ENOX1: variants seen among roughly 807,000 people sequenced by gnomAD.
ENOX1 encodes candidate growth-related and time keeping constitutive hydroquinone (NADH) oxidase.
ENOX1 carries 42 observed loss-of-function variants against 82.5 expected under a neutral mutation model. The observed-to-expected ratio is 0.51, with a 90% CI of 0.40 to 0.66. The LOEUF (loss-of-function observed/expected upper bound fraction) is 0.66. Among genes scored for constraint, ENOX1 ranks in the 30% least tolerant of loss-of-function variants. ENOX1 has a pLI of 0.00. For synonymous variants in ENOX1, 271 were observed against 282.2 expected (o/e 0.96, Z 0.40); for missense variants, 608 against 811.6 (o/e 0.75, Z 3.05).
intron 12 of ENOX1, among the ~76,000 whole-genome samples, chr13:43,273,758 A>G (rs1042107021): frequency 2.0e-5 from 3 of 152,208 alleles, no homozygotes; most frequent in South Asian, 4.1e-4. Context: ...TCTTGCTCCA[A>G]AAAAATATTC....
At chr13:43,338,676 GTTTTTTTTTTTTTTT>G (rs71099830) in intron 9 of ENOX1, among the ~76,000 whole-genome samples, 3 of 81,262 alleles carry the variant, frequency 3.7e-5, no homozygotes, top group Non-Finnish European at 6.9e-5. Context: ...TTCAGGTTGG[GTTTTTTTTTTTTTTT>G]TTTTTTTTTT....
chr13:43,734,517 T>C (rs1009786180), intron 1 of ENOX1, among the ~76,000 whole-genome samples: 3 of 152,178 alleles, frequency 2.0e-5, no homozygotes, highest in African/African-American at 7.2e-5. Flanking sequence ...GCTGAGGTCA[T>C]CCTGCCTTCC....
At chr13:43,563,728 G>A (rs2079790718) in intron 2 of ENOX1, among the ~76,000 whole-genome samples, 1 of 152,164 alleles carries the variant, frequency 6.6e-6, no homozygotes, top group East Asian at 1.9e-4. Flanking sequence ...GCCACTGTAT[G>A]CCAATACATT....
chr13:43,600,064 A>G (rs1435581457), intron 2 of ENOX1, among the ~76,000 whole-genome samples: 1 of 152,102 alleles, frequency 6.6e-6, no homozygotes, highest in Non-Finnish European at 1.5e-5. Context: ...ACTCAGAGAC[A>G]TGCTGGCTTC....
intron 9 of ENOX1, among the ~76,000 whole-genome samples, chr13:43,329,834 A>T (rs1211170071): frequency 6.6e-6 from 1 of 152,158 alleles, no homozygotes. Flanking sequence ...TACCTCTCTC[A>T]TTGCTGCACA....
chr13:43,365,456 G>GAA (rs2050787580), intron 5 of ENOX1, among the ~76,000 whole-genome samples: 1 of 152,212 alleles, frequency 6.6e-6, no homozygotes, highest in South Asian at 2.1e-4. Flanking sequence ...CAAAGTGGCT[G>GAA]AACACAGAGA....
chr13:43,323,028 C>T (rs556504301), intron 10 of ENOX1, among the ~76,000 whole-genome samples: 1 of 152,280 alleles, frequency 6.6e-6, no homozygotes, highest in South Asian at 2.1e-4. Context: ...AATGAATGTA[C>T]AGTACTTAGC....
At chr13:43,455,405 T>C (rs959902131) in intron 3 of ENOX1, among the ~76,000 whole-genome samples, 33 of 152,208 alleles carry the variant, frequency 2.2e-4, no homozygotes, top group Non-Finnish European at 4.3e-4. Flanking sequence ...AGAACCCTAA[T>C]GAGCTAATGA....
At chr13:43,398,111 T>C (rs1208388777) in intron 5 of ENOX1, among the ~76,000 whole-genome samples, 1 of 152,236 alleles carries the variant, frequency 6.6e-6, no homozygotes, top group Admixed American at 6.5e-5. Flanking sequence ...CCTAATATCA[T>C]CACCTTGGGG....
chr13:43,670,085 G>A (rs58521382), intron 1 of ENOX1, among the ~76,000 whole-genome samples: 7,152 of 152,160 alleles, frequency 0.047, 535 homozygotes, highest in African/African-American at 0.16. Flanking sequence ...GTAAGAGCCA[G>A]ATAAATGACA....
intron 11 of ENOX1, among the ~76,000 whole-genome samples, chr13:43,308,833 C>T (rs1158240719): frequency 2.6e-5 from 4 of 152,206 alleles, no homozygotes; most frequent in African/African-American, 9.6e-5. Flanking sequence ...GCCACAGTGC[C>T]TGGTATTTGC....
At chr13:43,721,568 C>T (rs1225092773) in intron 1 of ENOX1, among the ~76,000 whole-genome samples, 12 of 151,294 alleles carry the variant, frequency 7.9e-5, no homozygotes, top group African/African-American at 2.9e-4. Flanking sequence ...TTAGTAGAGA[C>T]GGGGTTTCAC....
chr13:43,714,497 T>G (rs1330264240), intron 1 of ENOX1, among the ~76,000 whole-genome samples: 2 of 152,198 alleles, frequency 1.3e-5, no homozygotes, highest in African/African-American at 4.8e-5. Context: ...TTGATCTGTC[T>G]AATGTTGACA....
intron 2 of ENOX1, among the ~76,000 whole-genome samples, chr13:43,603,203 A>T (rs1324302625): frequency 6.6e-6 from 1 of 151,966 alleles, no homozygotes; most frequent in Non-Finnish European, 1.5e-5. Flanking sequence ...TTACTTTTTT[A>T]AACATGCCAT....
chr13:43,604,611 G>C (rs978874726), intron 2 of ENOX1, among the ~76,000 whole-genome samples: 5 of 152,030 alleles, frequency 3.3e-5, no homozygotes, highest in Admixed American at 3.3e-4. Context: ...CTGTTCATAC[G>C]ATGTGTCACA....
At chr13:43,441,478 C>T (rs78933543) in intron 3 of ENOX1, among the ~76,000 whole-genome samples, 2 of 152,058 alleles carry the variant, frequency 1.3e-5, no homozygotes, top group Non-Finnish European at 2.9e-5. Flanking sequence ...GGGAGAGGGG[C>T]CATTTGCAGC....
intron 9 of ENOX1, among the ~76,000 whole-genome samples, 160 bp downstream of exon 9, chr13:43,344,378 A>C (rs1255287370): frequency 1.3e-5 from 2 of 152,222 alleles, no homozygotes; most frequent in African/African-American, 4.8e-5. Context: ...TGTTCCTCCA[A>C]GTTGCCACAG....
intron 3 of ENOX1, among the ~76,000 whole-genome samples, chr13:43,420,961 A>C (rs566750608): frequency 6.6e-6 from 1 of 152,346 alleles, no homozygotes; most frequent in South Asian, 2.1e-4. Context: ...ATGGGAAATA[A>C]TAGGATTAAG....
intron 11 of ENOX1, 93 bp downstream of exon 11, chr13:43,322,291 A>C: frequency 1.1e-6 from 1 of 910,792 alleles, no homozygotes. Flanking sequence ...AATTCAAATA[A>C]AAGTGAGTTA....
Sources: gnomAD v4.1 joint callset for allele counts (sites outside exome capture counted in the v4.1 genomes callset) on GRCh38, gnomAD v4.1.1 for gene constraint, MANE v1.5 for transcripts, NCBI Gene and HGNC (gene_info 2026-07-23, HGNC 2026-07-21) for gene names.